Variants in TFDP1 observed in about 807,000 individuals in gnomAD.
TFDP1 encodes transcription factor Dp-1.
TFDP1 carries 6 observed loss-of-function variants against 48.0 expected under a neutral mutation model. The observed-to-expected ratio is 0.13, with a 90% CI of 0.07 to 0.25. The LOEUF (loss-of-function observed/expected upper bound fraction) is 0.25. TFDP1 is among the 10% of genes least tolerant of loss of function. The pLI is 1.00. For missense variants in TFDP1, 335 were observed against 543.0 expected (o/e 0.62, Z 3.81); for synonymous variants, 201 against 211.6 (o/e 0.95, Z 0.44).
intron 3 of TFDP1, among the ~76,000 whole-genome samples, chr13:113,618,162 G>A (rs2048908633): frequency 6.6e-6 from 1 of 152,210 alleles, no homozygotes; most frequent in Admixed American, 6.5e-5. Context: ...CCCATGCATA[G>A]ATTGTGTGGC....
chr13:113,607,808 G>A lies in TFDP1; in HGVS notation c.13-3188G>A, dbSNP rs2048606485. ...CTGGACCTGGGTTTCCTGGGTGTGG[G>A]CTACTCAGGGATTGCTGAGTTCCCA... On this transcript the variant is annotated intron_variant, in intron 2 of 11. Transcript: ENST00000375370. The surrounding 1 kb of genome is among the most constrained non-coding windows in gnomAD (Gnocchi z 5.2). Among the ~76,000 whole-genome samples the A allele has an allele frequency of 6.6e-6, 1 of 152,200 alleles. No homozygotes were observed. The highest frequency in any genetic ancestry group is 1.5e-5 in the Non-Finnish European group (1 of 68,042).
chr13:113,594,898 A>T (rs1054959893), intron 2 of TFDP1, among the ~76,000 whole-genome samples: 2 of 152,284 alleles, frequency 1.3e-5, no homozygotes, highest in Admixed American at 6.5e-5. Flanking sequence ...AAAGAAGAAA[A>T]TGAAGTCACG....
At chr13:113,635,583 G>A (rs1250183353) in intron 8 of TFDP1, among the ~76,000 whole-genome samples, 2 of 152,174 alleles carry the variant, frequency 1.3e-5, no homozygotes, top group African/African-American at 2.4e-5. Flanking sequence ...CACTTTCCAG[G>A]GTGGGCAAAG....
Position 113,631,948 on chromosome 13 carries a change from G to T in TFDP1, c.308+204G>T. ...ACTGCCTCGGTCATGGAGAAGTCGG[G>T]CTGGGCACCGCCCACCCCGCTTTGT... On this transcript the variant is annotated intron_variant, in intron 5 of 11. Coordinates refer to ENST00000375370, the MANE Select transcript of TFDP1 (RefSeq NM_007111.5). 18 of 648,924 alleles carry T rather than the reference G, an allele frequency of 2.8e-5. No homozygotes were observed. In the South Asian group the frequency reaches 3.9e-4, roughly 14 times the overall value. The allele number at this position is 648,924 out of a possible 1,614,324, so 40.2% of individuals were successfully genotyped here.
intron 3 of TFDP1, among the ~76,000 whole-genome samples, chr13:113,612,261 C>T (rs1461614295): frequency 6.6e-6 from 1 of 152,196 alleles, no homozygotes; most frequent in Non-Finnish European, 1.5e-5. Context: ...AGGTCCTGCT[C>T]TGGTCTCTTC....
In TFDP1 at chr13:113,633,844, C is replaced by A. The variant is rs377608830; in HGVS notation, c.475-46C>A. 6.4e-7 allele frequency: 1 copy of A among 1,569,080 alleles called. No homozygotes were observed. Among genetic ancestry groups the A allele is most frequent in the Non-Finnish European group, 8.6e-7 (1 of 1,157,568 alleles). On this transcript the variant is annotated intron_variant, in intron 6 of 11. Transcript: ENST00000375370. This position sits in a 1 kb window ranked among gnomAD's most constrained non-coding sequence, Gnocchi z 4.5. The stretch of plus-strand genomic sequence containing the variant: ...CATGGTCTACAGTTTAAGGATCCAC[C>A]GGCCTTTTTGGATCATTTGGAAACT...
intron 10 of TFDP1, 78 bp from the exon 11 acceptor site, chr13:113,637,740 C>T (rs748527224): frequency 1.2e-5 from 19 of 1,612,424 alleles, no homozygotes; most frequent in South Asian, 5.5e-5. Flanking sequence ...TGGAACTGCG[C>T]GTCATTTTGT....
chr13:113,636,833 C>A (rs2049504591), intron 10 of TFDP1, 133 bp downstream of exon 10: 1 of 1,125,188 alleles, frequency 8.9e-7, no homozygotes, highest in Non-Finnish European at 1.2e-6. Flanking sequence ...GGAGCAAAGA[C>A]AAAGGGGCTG....
intron 3 of TFDP1, among the ~76,000 whole-genome samples, chr13:113,619,544 A>G (rs998041316): frequency 1.3e-5 from 2 of 150,160 alleles, no homozygotes; most frequent in African/African-American, 2.4e-5. Context: ...AGCCACTGCC[A>G]CTGCCCTTTC....
intron 2 of TFDP1, among the ~76,000 whole-genome samples, chr13:113,586,654 A>C (rs1199323367): frequency 6.6e-6 from 1 of 152,190 alleles, no homozygotes; most frequent in East Asian, 1.9e-4. Flanking sequence ...TGCCTGAGAT[A>C]CATCTGTAGC....
chr13:113,638,089 A>T (rs1280331164), intron 11 of TFDP1, among the ~76,000 whole-genome samples, 193 bp downstream of exon 11: 1 of 152,082 alleles, frequency 6.6e-6, no homozygotes, highest in Non-Finnish European at 1.5e-5. Flanking sequence ...GTTTCTGCTC[A>T]CTAAAAACTG....
chr13:113,636,910 G>A (rs910993186), intron 10 of TFDP1, among the ~76,000 whole-genome samples: 1 of 152,204 alleles, frequency 6.6e-6, no homozygotes, highest in Non-Finnish European at 1.5e-5. Context: ...CACTGGATAT[G>A]GGGGCCTTGA....
intron 2 of TFDP1, among the ~76,000 whole-genome samples, chr13:113,587,473 T>G (rs959398705): frequency 4.0e-5 from 6 of 150,862 alleles, no homozygotes; most frequent in African/African-American, 1.5e-4. Context: ...TTTGATGTTT[T>G]CGCTAGCTCT....
chr13:113,637,697 G>C, intron 10 of TFDP1, 121 bp from the exon 11 acceptor site: 1 of 1,573,664 alleles, frequency 6.4e-7, no homozygotes, highest in Non-Finnish European at 8.6e-7. Context: ...ACAAGCGAAG[G>C]ATATCCGGAA....
intron 2 of TFDP1, among the ~76,000 whole-genome samples, chr13:113,594,039 C>A (rs1322762265): frequency 7.4e-6 from 1 of 134,352 alleles, no homozygotes; most frequent in African/African-American, 2.9e-5. Context: ...CAGGTCCTCA[C>A]CCACCCAGGT....
rs893716065 is a variant in TFDP1 at position 113,631,687 on chromosome 13, C to G, written c.251C>G (p.Pro84Arg). 1 of 1,614,168 alleles carries G rather than the reference C, an allele frequency of 6.2e-7. No homozygotes were observed. Among genetic ancestry groups the G allele is most frequent in the Non-Finnish European group, 8.5e-7 (1 of 1,180,038 alleles). ...CTGGTGGTAGGAAGCCCACACACCC[C>G]CAGCACTCACTTTGCCTCTCAGAAC... ...NTLVVGSPHT[P>R]STHFASQNQP... The change falls in exon 5 of 12, where the codon CCC (proline) becomes CGC (arginine). Residue 84 changes from proline to arginine, a missense_variant. By Grantham distance (103) the Pro-to-Arg change is moderately radical. This residue lies in a region of TFDP1 where 103 missense variants were observed against 140.4 expected (regional missense o/e 0.73). Coordinates refer to ENST00000375370, the MANE Select transcript of TFDP1 (RefSeq NM_007111.5).
chr13:113,634,669 A>G (rs1645249951), intron 8 of TFDP1, 67 bp downstream of exon 8: 2 of 1,222,968 alleles, frequency 1.6e-6, no homozygotes, highest in East Asian at 4.7e-5. Context: ...TATAACGGCA[A>G]CATACTGCCT....
At chr13:113,593,690 A>G (rs528460910) in intron 2 of TFDP1, among the ~76,000 whole-genome samples, 171 of 132,480 alleles carry the variant, frequency 1.3e-3, no homozygotes, top group Non-Finnish European at 1.9e-3. Flanking sequence ...AGCTGTGCCC[A>G]GGTGACAGGT....
chr13:113,620,949 A>C (rs2048980743), intron 3 of TFDP1, among the ~76,000 whole-genome samples: 1 of 152,238 alleles, frequency 6.6e-6, no homozygotes, highest in African/African-American at 2.4e-5. Context: ...GTCTTGGCCA[A>C]CTTAGGTTAT....
Sources: allele counts gnomAD v4.1 joint callset (sites outside exome capture counted in the v4.1 genomes callset), GRCh38; gene constraint gnomAD v4.1.1; regional missense constraint gnomAD v4.1.1; non-coding constraint Gnocchi (gnomAD v3.1); transcripts MANE v1.5; gene names NCBI Gene and HGNC (gene_info 2026-07-23, HGNC 2026-07-21).